The following DNAH17 variants were observed in gnomAD, a reference collection of about 807,000 sequenced individuals.
The protein encoded by DNAH17 is axonemal beta dynein heavy chain 17.
Under a neutral mutation model 485.6 loss-of-function variants are expected in DNAH17, and 376 were observed. The observed-to-expected ratio is 0.77, with a 90% confidence interval of 0.71 to 0.84. The LOEUF is 0.84. DNAH17 is among the 40% of genes least tolerant of loss of function. DNAH17 has a pLI of 0.00. For synonymous variants in DNAH17, 3,031 were observed against 2,405.9 expected (o/e 1.26, Z -7.60); for missense variants, 6,370 against 5,839.3 (o/e 1.09, Z -2.96).
intron 17 of DNAH17, 77 bp downstream of exon 17, chr17:78,543,780 C>A (rs758108478): frequency 6.3e-7 from 1 of 1,599,926 alleles, no homozygotes; most frequent in South Asian, 1.1e-5. Flanking sequence ...TTTATGAAAT[C>A]TCCAGCCCTG....
chr17:78,480,947 T>A (rs2089320860), intron 48 of DNAH17, among the ~76,000 whole-genome samples, 161 bp from the exon 49 acceptor site: 1 of 152,076 alleles, frequency 6.6e-6, no homozygotes, highest in Non-Finnish European at 1.5e-5. Context: ...CTCGGCTCAC[T>A]GCAAGCTTTG....
chr17:78,444,592 C>T lies in DNAH17; in HGVS notation c.11528+12G>A, dbSNP rs1270184259. The stretch of plus-strand genomic sequence containing the variant: ...CTCGGGGGCGGGGCCCCCGGCGCGG[C>T]GGGACACTCACTTGATAGCGTAGGT... On this transcript the variant is annotated intron_variant, in intron 71 of 80. Coordinates refer to ENST00000389840, the MANE Select transcript of DNAH17 (RefSeq NM_173628.4). The T allele has an allele frequency of 1.9e-6, 3 of 1,541,862 alleles. No individual in the cohort carries two copies. Among genetic ancestry groups the T allele is most frequent in the South Asian group, 1.2e-5 (1 of 83,374 alleles).
chr17:78,427,900 A>T (rs1189410386), intron 77 of DNAH17, among the ~76,000 whole-genome samples: 1 of 142,330 alleles, frequency 7.0e-6, no homozygotes, highest in Non-Finnish European at 1.5e-5. Context: ...TGGGAGGCGG[A>T]GGTTGCAGTG....
intron 72 of DNAH17, among the ~76,000 whole-genome samples, chr17:78,439,947 G>A (rs2087004257): frequency 6.6e-6 from 1 of 151,968 alleles, no homozygotes; most frequent in South Asian, 2.1e-4. Context: ...TGGGATTATG[G>A]GTGTGAGCCA....
chr17:78,505,538 T>A, intron 30 of DNAH17, 93 bp from the exon 31 acceptor site: 1 of 1,522,290 alleles, frequency 6.6e-7, no homozygotes, highest in Non-Finnish European at 9.0e-7. Flanking sequence ...TAGGCATCGT[T>A]CTTTTTGGAA....
chr17:78,517,326 G>T (rs1418440592), intron 25 of DNAH17, among the ~76,000 whole-genome samples: 12 of 152,240 alleles, frequency 7.9e-5, no homozygotes, highest in Non-Finnish European at 1.5e-5. Flanking sequence ...TTACAGGCGT[G>T]AGCCACCGCA....
chr17:78,517,416 C>T (rs1245416269), intron 25 of DNAH17, among the ~76,000 whole-genome samples: 3 of 152,106 alleles, frequency 2.0e-5, no homozygotes, highest in South Asian at 2.1e-4. Flanking sequence ...AGATGAGTGA[C>T]GAGGAGACAG....
chr17:78,521,813 C>T (rs1296929455), intron 25 of DNAH17, among the ~76,000 whole-genome samples: 1 of 152,094 alleles, frequency 6.6e-6, no homozygotes, highest in Non-Finnish European at 1.5e-5. Context: ...ATGATGAAAC[C>T]CCATCTCTCC....
intron 49 of DNAH17, among the ~76,000 whole-genome samples, chr17:78,479,934 G>A (rs531763183): frequency 1.1e-4 from 16 of 149,344 alleles, no homozygotes; most frequent in Non-Finnish European, 2.1e-4. Flanking sequence ...TAACTTAGAG[G>A]CAAAGTCTGT....
intron 17 of DNAH17, among the ~76,000 whole-genome samples, chr17:78,541,511 A>G (rs1351115475): frequency 6.6e-6 from 1 of 151,898 alleles, no homozygotes; most frequent in Non-Finnish European, 1.5e-5. Context: ...CTAATAAGGG[A>G]GAGAAGACTT....
At chr17:78,479,186 T>G (rs118051845) in intron 50 of DNAH17, 70 bp from the exon 51 acceptor site, 16,801 of 1,488,240 alleles carry the variant, frequency 0.011, 142 homozygotes, top group Non-Finnish European at 0.014. Context: ...AGCCTCAAGT[T>G]TCTAAAGCCA....
rs1297178835 is a variant in DNAH17, at chr17:78,494,150, C to A, written c.6294G>T (p.Glu2098Asp). The change falls in exon 41 of 81, where the codon GAG becomes GAT. Residue 2098 changes from glutamate to aspartate, a missense_variant. Physicochemically the swap from Glu to Asp is conservative, Grantham distance 45. Coordinates refer to ENST00000389840, the MANE Select transcript of DNAH17 (RefSeq NM_173628.4). Reference sequence around the variant, plus strand: ...AGCTGTCCTCCGCCTGCAGCTTGAGCTCCACGATGCTCTGCTTGATGATCT... The same window carrying A: ...AGCTGTCCTCCGCCTGCAGCTTGAGATCCACGATGCTCTGCTTGATGATCT... ...FEKIIKQSIV[E>D]LKLQAEDSFV... The A allele has an allele frequency of 2.5e-6, 4 of 1,612,298 alleles. No individual in the cohort carries two copies. The South Asian group carries it at 3.3e-5, about 13-fold the overall frequency.
In DNAH17 at chr17:78,423,879, G is replaced by A; in HGVS notation, c.*27C>T. On this transcript the variant is annotated 3_prime_UTR_variant, in exon 81 of 81. Coordinates refer to ENST00000389840, the MANE Select transcript of DNAH17 (RefSeq NM_173628.4). ...GGCTGAGTTGTGGTCCAGCCCCAGG[G>A]AGTGTGGGCTGTGAGGCAGGAGCGA... is the stretch of plus-strand genomic sequence containing the variant. 1.2e-6 allele frequency: 2 copies of A among 1,612,484 alleles called. No homozygotes were observed. Among genetic ancestry groups the A allele is most frequent in the Admixed American group, 1.7e-5 (1 of 60,008 alleles).
chr17:78,492,674 A>G lies in DNAH17; in HGVS notation c.6500T>C (p.Leu2167Pro). The change falls in exon 42 of 81, where the codon CTC (leucine) becomes CCC (proline). Residue 2167 changes from leucine to proline, a missense_variant. By Grantham distance (98) the Leu-to-Pro change is moderately conservative. Coordinates refer to ENST00000389840, the MANE Select transcript of DNAH17 (RefSeq NM_173628.4). ...LDPKAVTCDE[L>P]FGIINPVTRE... ...GGTCACTGGGTTGATGATGCCAAAG[A>G]GCTCGTCGCAGGTGACGGCCTTGGG... 6.2e-7 allele frequency: 1 copy of G among 1,613,618 alleles called. No homozygotes were observed. Among genetic ancestry groups the G allele is most frequent in the Non-Finnish European group, 8.5e-7 (1 of 1,179,780 alleles).
At position 78,494,769 on chromosome 17, in the gene DNAH17, C is replaced by G. The variant is rs753550278; in HGVS notation, c.6094G>C (p.Gly2032Arg). The G allele has an allele frequency of 6.2e-7, 1 of 1,613,216 alleles. No homozygotes were observed. The highest frequency in any genetic ancestry group is 8.5e-7 in the Non-Finnish European group (1 of 1,179,710). ...CTGGGGTCGCCCCTCTTCAGGGAGC[C>G]GGCCACCACCAGCACAGACTTGATG... ...RAIKSVLVVA[G>R]SLKRGDPSRA... Residue 2032 changes from glycine (G) to arginine (R), a missense_variant, in exon 40 of 81, where the codon GGC becomes CGC. Gly to Arg is a moderately radical substitution (Grantham distance 125). Coordinates refer to ENST00000389840, the MANE Select transcript of DNAH17 (RefSeq NM_173628.4).
chr17:78,562,677 G>T (rs753428125), intron 11 of DNAH17, among the ~76,000 whole-genome samples: 1 of 152,148 alleles, frequency 6.6e-6, no homozygotes, highest in Admixed American at 6.5e-5. Context: ...TAGCCATAAC[G>T]TTGCATTTAT....
Position 78,539,806 on chromosome 17 carries a change from C to A in DNAH17, c.2607G>T (p.Met869Ile). 2 of 1,611,900 alleles carry A rather than the reference C, an allele frequency of 1.2e-6. No homozygotes were observed. The highest frequency in any genetic ancestry group is 3.3e-5 in the Admixed American group (2 of 59,880). The change falls in exon 18 of 81, where the codon ATG becomes ATT. Residue 869 changes from methionine (M) to isoleucine (I), a missense_variant. Transcript: ENST00000389840. ...TGAACTGGTCAAATTCATCTAAGACCATGTCGTCAATGTAGATGACATAAT... is the reference window on the plus strand; with the variant it reads ...TGAACTGGTCAAATTCATCTAAGACAATGTCGTCAATGTAGATGACATAAT... The part of the protein sequence containing the change: ...WKDYVIYIDD[M>I]VLDEFDQFIR...
intron 79 of DNAH17, 151 bp downstream of exon 79, chr17:78,426,306 G>A: frequency 1.0e-6 from 1 of 995,722 alleles, no homozygotes; most frequent in Non-Finnish European, 1.4e-6. Flanking sequence ...GAGGGGCATG[G>A]GCTAGGCCCT....
intron 77 of DNAH17, 122 bp from the exon 78 acceptor site, chr17:78,427,230 G>GT (rs2086507411): frequency 2.0e-6 from 2 of 983,952 alleles, no homozygotes; most frequent in African/African-American, 3.2e-5. Context: ...GAAGAGGCAA[G>GT]TAGAGTTGCC....
Sources: gnomAD v4.1 joint callset for allele counts (sites outside exome capture counted in the v4.1 genomes callset) on GRCh38, gnomAD v4.1.1 for gene constraint, MANE v1.5 for transcripts, NCBI Gene and HGNC (gene_info 2026-07-23, HGNC 2026-07-21) for gene names.